ZFAND6: variants seen among roughly 807,000 people sequenced by gnomAD.
ZFAND6 encodes the protein AN1-type zinc finger protein 6.
In ZFAND6, 12 loss-of-function variants were observed where a neutral mutation model predicts 24.5. That is an observed-to-expected ratio of 0.49 (90% CI 0.31 to 0.79). The LOEUF (loss-of-function observed/expected upper bound fraction) is 0.79, where lower values mean the gene tolerates loss of function less well. Ranked by LOEUF, ZFAND6 falls within the 30% of genes least tolerant of loss-of-function variation. The probability of loss-of-function intolerance (pLI) is 0.04; values close to 1 mark genes in which losing one functional copy is unlikely to be tolerated. For missense variants in ZFAND6, 207 were observed against 245.9 expected (o/e 0.84, Z 1.06); for synonymous variants, 92 against 81.5 (o/e 1.13, Z -0.69).
At chr15:80,064,785 C>A (rs1038520658) in intron 1 of ZFAND6, among the ~76,000 whole-genome samples, 2 of 152,038 alleles carry the variant, frequency 1.3e-5, no homozygotes, top group African/African-American at 4.8e-5. Flanking sequence ...GGATTACAGG[C>A]GTTCCCCACC....
At chr15:80,135,426 C>G (rs943384419) in intron 6 of ZFAND6, among the ~76,000 whole-genome samples, 1 of 152,170 alleles carries the variant, frequency 6.6e-6, no homozygotes, top group Non-Finnish European at 1.5e-5. Context: ...CTTTAAGAGT[C>G]AACTGTACTG....
At chr15:80,112,586 T>C (rs150828384) in intron 2 of ZFAND6, among the ~76,000 whole-genome samples, 5,161 of 152,144 alleles carry the variant, frequency 0.034, 277 homozygotes, top group East Asian at 0.22. Flanking sequence ...TTAGTAGAGA[T>C]AAGGTTTCAC....
intron 6 of ZFAND6, among the ~76,000 whole-genome samples, chr15:80,134,572 A>G (rs868733389): frequency 2.4e-4 from 36 of 152,236 alleles, no homozygotes; most frequent in Admixed American, 2.0e-3. Flanking sequence ...GAAACAACAA[A>G]TTTTTGCAGG....
chr15:80,108,786 A>G (rs1403818924), intron 2 of ZFAND6, among the ~76,000 whole-genome samples: 2 of 151,264 alleles, frequency 1.3e-5, no homozygotes, highest in East Asian at 3.9e-4. Context: ...GCTGGAGTGC[A>G]GTGGTGCAAT....
intron 2 of ZFAND6, among the ~76,000 whole-genome samples, chr15:80,114,370 C>T (rs1034843665): frequency 1.4e-4 from 21 of 152,178 alleles, no homozygotes; most frequent in African/African-American, 4.8e-4. Flanking sequence ...TTAGGCTGCT[C>T]GGGTTAAATT....
chr15:80,107,652 C>G (rs1433805068), intron 2 of ZFAND6, among the ~76,000 whole-genome samples: 2 of 152,048 alleles, frequency 1.3e-5, no homozygotes, highest in Non-Finnish European at 1.5e-5. Context: ...TGGTGAAACC[C>G]TGTCTCTCCT....
At chr15:80,067,624 C>T (rs1344112919) in intron 1 of ZFAND6, among the ~76,000 whole-genome samples, 2 of 152,108 alleles carry the variant, frequency 1.3e-5, no homozygotes, top group African/African-American at 4.8e-5. Flanking sequence ...TTCAGTTCCT[C>T]ATTTGTATTA....
chr15:80,135,258 T>C (rs1479033600), intron 6 of ZFAND6, among the ~76,000 whole-genome samples: 1 of 152,232 alleles, frequency 6.6e-6, no homozygotes, highest in Non-Finnish European at 1.5e-5. Flanking sequence ...TATATATTAA[T>C]AATATACAAA....
chr15:80,111,364 T>G (rs985118644), intron 2 of ZFAND6: 3 of 380,216 alleles, frequency 7.9e-6, no homozygotes, highest in Non-Finnish European at 1.6e-5. Flanking sequence ...TTGTGGGTTC[T>G]TAACTCTTGC....
intron 1 of ZFAND6, among the ~76,000 whole-genome samples, chr15:80,083,802 C>A (rs908575365): frequency 6.6e-6 from 1 of 152,018 alleles, no homozygotes; most frequent in Non-Finnish European, 1.5e-5. Context: ...GAGGAGGTTG[C>A]GGTGAGCTCA....
chr15:80,133,612 A>G (rs948142580), intron 6 of ZFAND6, among the ~76,000 whole-genome samples: 2 of 152,160 alleles, frequency 1.3e-5, no homozygotes, highest in African/African-American at 4.8e-5. Context: ...TTCCCAAACT[A>G]TATTAAGTTG....
At chr15:80,109,090 A>G (rs1207967543) in intron 2 of ZFAND6, among the ~76,000 whole-genome samples, 1 of 152,126 alleles carries the variant, frequency 6.6e-6, no homozygotes, top group Non-Finnish European at 1.5e-5. Context: ...ACAGATCTAG[A>G]TCTCTTCTTA....
intron 2 of ZFAND6, among the ~76,000 whole-genome samples, chr15:80,107,496 C>T (rs767896774): frequency 6.6e-5 from 10 of 152,120 alleles, no homozygotes; most frequent in Non-Finnish European, 1.2e-4. Context: ...CAAATGTCAA[C>T]ACAGTGAATA....
intron 6 of ZFAND6, among the ~76,000 whole-genome samples, chr15:80,132,129 CTT>C (rs2040632344): frequency 6.6e-6 from 1 of 152,206 alleles, no homozygotes; most frequent in South Asian, 2.1e-4. Context: ...AGACTAAAAA[CTT>C]ATACAGTTGA....
intron 1 of ZFAND6, among the ~76,000 whole-genome samples, chr15:80,063,130 C>T (rs2036423888): frequency 6.6e-6 from 1 of 152,098 alleles, no homozygotes; most frequent in Admixed American, 6.5e-5. Flanking sequence ...TTATATACCT[C>T]AGACCAGCAA....
chr15:80,071,987 T>C (rs1431253524), intron 1 of ZFAND6, among the ~76,000 whole-genome samples: 1 of 152,150 alleles, frequency 6.6e-6, no homozygotes, highest in Non-Finnish European at 1.5e-5. Flanking sequence ...GTTGTGATAC[T>C]GAGAACATAA....
chr15:80,079,645 T>G (rs2037523347), intron 1 of ZFAND6, among the ~76,000 whole-genome samples: 1 of 150,958 alleles, frequency 6.6e-6, no homozygotes, highest in African/African-American at 2.4e-5. Context: ...AATGTTTTCC[T>G]TAGCTTTTTT....
chr15:80,088,029 T>C (rs2038109338), intron 1 of ZFAND6, among the ~76,000 whole-genome samples: 1 of 151,006 alleles, frequency 6.6e-6, no homozygotes, highest in Admixed American at 6.6e-5. Context: ...TTACACAGTG[T>C]GATTAAGTTA....
At chr15:80,085,635 CTG>C (rs1359726172) in intron 1 of ZFAND6, among the ~76,000 whole-genome samples, 2 of 152,108 alleles carry the variant, frequency 1.3e-5, no homozygotes, top group African/African-American at 4.8e-5. Context: ...ATAAAAATAT[CTG>C]TATATTTTTC....
Sources: allele counts gnomAD v4.1 joint callset (sites outside exome capture counted in the v4.1 genomes callset), GRCh38; gene constraint gnomAD v4.1.1; transcripts MANE v1.5; gene names NCBI Gene and HGNC (gene_info 2026-07-23, HGNC 2026-07-21).